The following DOCK1 variants were observed in gnomAD, a reference collection of about 807,000 sequenced individuals.
DOCK1 encodes dedicator of cytokinesis 1.
In DOCK1, 138 loss-of-function variants were observed where a neutral mutation model predicts 262.7. The observed-to-expected ratio is 0.53, with a 90% CI of 0.46 to 0.61. The LOEUF (loss-of-function observed/expected upper bound fraction) is 0.61. DOCK1 is among the 20% of genes least tolerant of loss of function. DOCK1 has a pLI of 0.00. For synonymous variants in DOCK1, 866 were observed against 867.4 expected, an observed-to-expected ratio of 1.00 and a Z score of 0.03; for missense variants, 1,908 against 2,370.7, an observed-to-expected ratio of 0.80 and a Z score of 4.05.
rs545566420 is a variant in DOCK1, at chr10:127,118,315, T to C, written c.2624-7159T>C. ...TTCTTCTCACACAGTGTTTTCTGCA[T>C]TTTTCTTGCATCTTGCCAATTTTTT... On this transcript the variant is annotated intron_variant, in intron 25 of 51. Transcript: ENST00000623213. 3.3e-5 allele frequency among the ~76,000 whole-genome samples: 5 copies of C among 152,282 alleles called. No homozygotes were observed. The East Asian group carries it at 9.6e-4, about 29-fold the overall frequency.
chr10:126,999,868 G>A (rs1188048852), intron 9 of DOCK1, among the ~76,000 whole-genome samples: 1 of 152,046 alleles, frequency 6.6e-6, no homozygotes, highest in Admixed American at 6.6e-5. Flanking sequence ...GTAGAGATGG[G>A]GTTTCCCCAT....
At chr10:127,194,912 G>A (rs1031587171) in intron 27 of DOCK1, among the ~76,000 whole-genome samples, 1 of 152,148 alleles carries the variant, frequency 6.6e-6, no homozygotes, top group Non-Finnish European at 1.5e-5. Flanking sequence ...CCGCTTCACC[G>A]CTGCTTCTGG....
At chr10:127,246,963 T>C (rs2059450386) in intron 27 of DOCK1, among the ~76,000 whole-genome samples, 1 of 152,212 alleles carries the variant, frequency 6.6e-6, no homozygotes, top group Admixed American at 6.5e-5. Flanking sequence ...ATATATATCC[T>C]GTGTTTCTTA....
chr10:126,961,013 T>A (rs1442431972), intron 1 of DOCK1, among the ~76,000 whole-genome samples: 1 of 152,140 alleles, frequency 6.6e-6, no homozygotes, highest in African/African-American at 2.4e-5. Flanking sequence ...CTTTTGTATA[T>A]TTCTTTTCAC....
chr10:127,045,788 C>T (rs1055381265), intron 21 of DOCK1, among the ~76,000 whole-genome samples: 26 of 152,130 alleles, frequency 1.7e-4, no homozygotes, highest in African/African-American at 5.8e-4. Flanking sequence ...TCCATAAAAC[C>T]AGCATGACTG....
chr10:127,061,176 C>T (rs185590746), intron 22 of DOCK1, among the ~76,000 whole-genome samples: 157 of 152,054 alleles, frequency 1.0e-3, no homozygotes, highest in African/African-American at 3.4e-3. Context: ...TGCAGTGAGC[C>T]GAGATCATGC....
At position 127,080,281 on chromosome 10, in the gene DOCK1, C is replaced by T. The variant is rs572982636; in HGVS notation, c.2445+18505C>T. Among the ~76,000 whole-genome samples, 6 of 152,226 alleles carry T rather than the reference C, an allele frequency of 3.9e-5. No individual in the cohort carries two copies. In the South Asian group the frequency reaches 1.2e-3, roughly 32 times the overall value. ...CAAGTCTCCCTCTGGATGAGACATT[C>T]TGAGTTCTTGCCAATATCATGCTAA... On this transcript the variant is annotated intron_variant, in intron 23 of 51. Transcript: ENST00000623213.
chr10:127,106,285 G>C lies in DOCK1; in HGVS notation c.2500G>C (p.Asp834His), dbSNP rs756360164. 6.3e-7 allele frequency: 1 copy of C among 1,597,270 alleles called. No individual in the cohort carries two copies. Among genetic ancestry groups the C allele is most frequent in the South Asian group, 1.1e-5 (1 of 87,778 alleles). ...TIVNDVKLVF[D>H]PKELSKMFTE... Reference sequence around the variant, plus strand: ...CGTCAACGATGTGAAATTGGTGTTTGATCCCAAAGAGCTCAGGTAAGTATG... The same window carrying C: ...CGTCAACGATGTGAAATTGGTGTTTCATCCCAAAGAGCTCAGGTAAGTATG... The change falls in exon 24 of 52, where the codon GAT (aspartate) becomes CAT (histidine). Residue 834 changes from aspartate to histidine, a missense_variant. Around this residue, in one of 9 missense-constraint regions of DOCK1, gnomAD observed 518 missense variants for 575.1 expected, o/e 0.90. Transcript: ENST00000623213.
intron 38 of DOCK1, among the ~76,000 whole-genome samples, 199 bp downstream of exon 38, chr10:127,385,108 T>A (rs2274377): frequency 0.27 from 41,787 of 152,112 alleles, 5,971 homozygotes; most frequent in East Asian, 0.43. Context: ...ATAGCCCTTT[T>A]ATAGATGCTC....
chr10:127,271,485 T>C lies in DOCK1; in HGVS notation c.3044+14056T>C, dbSNP rs1334984325. ...CTTCAGGTCTATAAAAAAATGATAATGTTTAATTGTAATTTTTCCATGGAA... is the reference window on the plus strand; with the variant it reads ...CTTCAGGTCTATAAAAAAATGATAACGTTTAATTGTAATTTTTCCATGGAA... On this transcript the variant is annotated intron_variant, in intron 29 of 51. Coordinates refer to ENST00000623213, the MANE Select transcript of DOCK1 (RefSeq NM_001290223.2). 2.6e-5 allele frequency among the ~76,000 whole-genome samples: 4 copies of C among 152,214 alleles called. No individual in the cohort carries two copies. The East Asian group carries it at 7.7e-4, about 29-fold the overall frequency.
intron 40 of DOCK1, among the ~76,000 whole-genome samples, chr10:127,408,771 CT>C (rs1440093410): frequency 6.6e-6 from 1 of 152,142 alleles, no homozygotes; most frequent in Non-Finnish European, 1.5e-5. Context: ...TCAGTTGTTA[CT>C]GTCAAGATGA....
At chr10:126,992,330 G>GT (rs1272149400) in intron 6 of DOCK1, among the ~76,000 whole-genome samples, 1 of 152,162 alleles carries the variant, frequency 6.6e-6, no homozygotes, top group Non-Finnish European at 1.5e-5. Context: ...GAAAAATCTA[G>GT]TTAAGGAAGG....
intron 32 of DOCK1, among the ~76,000 whole-genome samples, chr10:127,355,171 TC>T (rs1313643965): frequency 2.7e-5 from 2 of 73,660 alleles, no homozygotes; most frequent in African/African-American, 7.0e-5. Flanking sequence ...CCTAACATGC[TC>T]CTGCACTCAA....
At chr10:127,325,462 T>G (rs2062712953) in intron 29 of DOCK1, among the ~76,000 whole-genome samples, 3 of 152,216 alleles carry the variant, frequency 2.0e-5, no homozygotes, top group Admixed American at 2.0e-4. Flanking sequence ...GACACCCATT[T>G]CACAGATGCA....
intron 27 of DOCK1, among the ~76,000 whole-genome samples, chr10:127,180,055 C>T (rs1020207182): frequency 1.3e-5 from 2 of 152,188 alleles, no homozygotes; most frequent in Non-Finnish European, 2.9e-5. Context: ...ACAGCTGAAT[C>T]CGTTTGAATC....
intron 19 of DOCK1, among the ~76,000 whole-genome samples, chr10:127,038,553 C>T (rs1317461209): frequency 1.3e-5 from 2 of 152,078 alleles, no homozygotes; most frequent in Non-Finnish European, 2.9e-5. Context: ...TACTAGACTC[C>T]CTGAGATCCC....
intron 10 of DOCK1, 123 bp downstream of exon 10, chr10:127,000,430 G>C: frequency 1.5e-6 from 2 of 1,354,062 alleles, no homozygotes; most frequent in Non-Finnish European, 2.0e-6. Flanking sequence ...CTGCTGGAGA[G>C]AAAAAATATA....
At chr10:126,990,957 T>C (rs1365596878) in intron 6 of DOCK1, among the ~76,000 whole-genome samples, 1 of 152,198 alleles carries the variant, frequency 6.6e-6, no homozygotes, top group Non-Finnish European at 1.5e-5. Context: ...GGGCCTTGCA[T>C]AGTGACAAGC....
intron 27 of DOCK1, among the ~76,000 whole-genome samples, chr10:127,208,258 T>A (rs2057811548): frequency 6.6e-6 from 1 of 152,192 alleles, no homozygotes; most frequent in Admixed American, 6.5e-5. Flanking sequence ...TGGACGGTCA[T>A]ATATGTTTGG....
Sources: gnomAD v4.1 joint callset for allele counts (sites outside exome capture counted in the v4.1 genomes callset) on GRCh38, gnomAD v4.1.1 for gene constraint, gnomAD v4.1.1 regional missense constraint, MANE v1.5 for transcripts, NCBI Gene and HGNC (gene_info 2026-07-23, HGNC 2026-07-21) for gene names.